Variants in PLCH1 observed in about 807,000 individuals in gnomAD.
PLCH1 encodes the protein phospholipase C eta 1.
Under a neutral mutation model 126.7 loss-of-function variants are expected in PLCH1, and 60 were observed. The ratio of observed to expected loss-of-function variants is 0.47; its 90% confidence interval spans 0.38 to 0.59. The LOEUF (loss-of-function observed/expected upper bound fraction) is 0.59. Ranked by LOEUF, PLCH1 falls within the 20% of genes least tolerant of loss-of-function variation. PLCH1 has a pLI of 0.00. For missense variants in PLCH1, 1,723 were observed against 2,040.0 expected (o/e 0.84, Z 2.99); for synonymous variants, 719 against 734.9 (o/e 0.98, Z 0.35).
chr3:155,723,205 T>C (rs1748078374), intron 1 of PLCH1, among the ~76,000 whole-genome samples: 1 of 152,066 alleles, frequency 6.6e-6, no homozygotes, highest in Admixed American at 6.6e-5. Flanking sequence ...ATTTAGATCA[T>C]CTCTCTCCAT....
intron 10 of PLCH1, among the ~76,000 whole-genome samples, chr3:155,538,386 A>ATAACAAAGATCAGAGCAGAAC (rs1439771883): frequency 6.6e-6 from 1 of 152,196 alleles, no homozygotes; most frequent in East Asian, 1.9e-4. Flanking sequence ...AAGAAAAGAA[A>ATAACAAAGATCAGAGCAGAAC]TAACAAAGAT....
chr3:155,499,484 T>C (rs1173359564), intron 14 of PLCH1, among the ~76,000 whole-genome samples: 2 of 152,230 alleles, frequency 1.3e-5, no homozygotes. Flanking sequence ...GGAGAAATTC[T>C]ACAGAAAATT....
rs180773783 is a variant in PLCH1, at chr3:155,659,278, C to A, written c.79+44868G>T. Among the ~76,000 whole-genome samples, 278 of 135,140 alleles carry A rather than the reference C, an allele frequency of 2.1e-3. 1 individual carries two copies. Among genetic ancestry groups the A allele is most frequent in the African/African-American group, 7.0e-3 (255 of 36,274 alleles). The allele number at this position is 135,140 out of a possible 152,430, so 88.7% of individuals were successfully genotyped here. On this transcript the variant is annotated intron_variant, in intron 2 of 22. Coordinates refer to ENST00000460012, the MANE Select transcript of PLCH1 (RefSeq NM_014996.4). ...TTCCTTCACTGCTCTGACCACAGGC[C>A]AGGCGTGAGATGTCTATTCACTTCT... is the stretch of plus-strand genomic sequence containing the variant.
intron 2 of PLCH1, among the ~76,000 whole-genome samples, chr3:155,673,981 CTA>C (rs1438435886): frequency 2.6e-5 from 4 of 152,202 alleles, no homozygotes; most frequent in Admixed American, 2.6e-4. Context: ...GGGTCCTTTT[CTA>C]TCTTTCAAAT....
intron 15 of PLCH1, 61 bp from the exon 16 acceptor site, chr3:155,494,578 C>T (rs2108096635): frequency 7.6e-7 from 1 of 1,308,612 alleles, no homozygotes; most frequent in Non-Finnish European, 1.1e-6. Flanking sequence ...ACACCACGCA[C>T]AGAAGACTTT....
chr3:155,570,160 C>T (rs1729009471), intron 6 of PLCH1, among the ~76,000 whole-genome samples: 1 of 152,138 alleles, frequency 6.6e-6, no homozygotes, highest in East Asian at 1.9e-4. Flanking sequence ...AGTCAATCGA[C>T]TCCCAACCTT....
chr3:155,564,909 A>G lies in PLCH1; in HGVS notation c.1069+6T>C, dbSNP rs767375972. 6.2e-7 allele frequency: 1 copy of G among 1,606,968 alleles called. No homozygotes were observed. Among genetic ancestry groups the G allele is most frequent in the Non-Finnish European group, 8.5e-7 (1 of 1,174,058 alleles). ...ACACACCGGAGCTCAGAAAAAGTGC[A>G]CGTACCTTCCACACAGCGACAGCCC... is the stretch of plus-strand genomic sequence containing the variant. On this transcript the variant is annotated splice_donor_region_variant and intron_variant, in intron 8 of 22. Transcript: ENST00000460012.
intron 7 of PLCH1, among the ~76,000 whole-genome samples, chr3:155,566,810 G>A (rs890197752): frequency 3.9e-5 from 6 of 152,072 alleles, no homozygotes; most frequent in African/African-American, 9.7e-5. Context: ...TGACTCACAA[G>A]TACCTAAATA....
intron 2 of PLCH1, among the ~76,000 whole-genome samples, chr3:155,674,183 G>A (rs966625761): frequency 6.6e-6 from 1 of 152,150 alleles, no homozygotes; most frequent in Non-Finnish European, 1.5e-5. Context: ...CGTCTTCTCA[G>A]TGTTGTTCAG....
intron 2 of PLCH1, chr3:155,676,296 A>G: frequency 8.7e-7 from 1 of 1,153,258 alleles, no homozygotes; most frequent in Non-Finnish European, 1.1e-6. Flanking sequence ...GCACAGCCAG[A>G]TAAGCACGCT....
At chr3:155,670,888 A>G (rs1462329396) in intron 2 of PLCH1, among the ~76,000 whole-genome samples, 1 of 151,972 alleles carries the variant, frequency 6.6e-6, no homozygotes, top group Non-Finnish European at 1.5e-5. Flanking sequence ...TCCCCTTTCC[A>G]TCTCGCACTC....
At position 155,723,440 on chromosome 3, in the gene PLCH1, T is replaced by G. The variant is rs540262750; in HGVS notation, c.-40-19176A>C. Among the ~76,000 whole-genome samples, 4 of 152,320 alleles carry G rather than the reference T, an allele frequency of 2.6e-5. No homozygotes were observed. In the South Asian group the frequency reaches 8.3e-4, roughly 32 times the overall value. On this transcript the variant is annotated intron_variant, in intron 1 of 22. Transcript: ENST00000460012. ...CTGTTTCCATTTCATTTCCTTCTGCTCTGATCTTCATTATTCCTTTTCTTC... is the reference window on the plus strand; with the variant it reads ...CTGTTTCCATTTCATTTCCTTCTGCGCTGATCTTCATTATTCCTTTTCTTC...
intron 6 of PLCH1, among the ~76,000 whole-genome samples, chr3:155,569,440 G>T (rs892387549): frequency 1.3e-5 from 2 of 152,094 alleles, no homozygotes; most frequent in African/African-American, 4.8e-5. Context: ...CAGTTCAAAA[G>T]AACACACAAT....
chr3:155,493,861 G>A lies in PLCH1; in HGVS notation c.2182+280C>T, dbSNP rs148270493. 1.1e-4 allele frequency among the ~76,000 whole-genome samples: 17 copies of A among 152,240 alleles called. No individual in the cohort carries two copies. In the East Asian group the frequency reaches 3.3e-3, roughly 29 times the overall value. On this transcript the variant is annotated intron_variant, in intron 17 of 22. Coordinates refer to ENST00000460012, the MANE Select transcript of PLCH1 (RefSeq NM_014996.4). ...TAAAAAGCAGTCCAGCTTATATGGG[G>A]CACTGGATTTCAAGTGATAACCCAA...
rs147173640 is a variant in PLCH1, at chr3:155,557,390, C to A, written c.1070-3194G>T. On this transcript the variant is annotated intron_variant, in intron 8 of 22. Transcript: ENST00000460012. ...AAAGGCGACAAAGCAATACCTTGCCCGACTTGCTTATGGTGTCTACATCAA... is the reference window on the plus strand; with the variant it reads ...AAAGGCGACAAAGCAATACCTTGCCAGACTTGCTTATGGTGTCTACATCAA... Among the ~76,000 whole-genome samples, 68 of 152,234 alleles carry A rather than the reference C, an allele frequency of 4.5e-4. 1 individual carries two copies. In the East Asian group the frequency reaches 0.012, roughly 28 times the overall value.
At chr3:155,662,181 C>T (rs1479445886) in intron 2 of PLCH1, among the ~76,000 whole-genome samples, 9 of 152,268 alleles carry the variant, frequency 5.9e-5, no homozygotes, top group African/African-American at 9.6e-5. Flanking sequence ...GAGCTAGGCA[C>T]GGTGGCTCTT....
intron 2 of PLCH1, among the ~76,000 whole-genome samples, chr3:155,697,216 C>T (rs370157): frequency 0.4 from 60,605 of 151,950 alleles, 12,846 homozygotes; most frequent in African/African-American, 0.53. Flanking sequence ...CTACATAATG[C>T]TGCAAAAAGC....
intron 21 of PLCH1, among the ~76,000 whole-genome samples, chr3:155,469,193 C>G (rs1413044330): frequency 6.6e-6 from 1 of 152,168 alleles, no homozygotes. Context: ...GAGTTACAGA[C>G]AGTGGGCACA....
At chr3:155,683,937 G>T (rs577051346) in intron 2 of PLCH1, among the ~76,000 whole-genome samples, 68 of 152,274 alleles carry the variant, frequency 4.5e-4, no homozygotes, top group African/African-American at 1.5e-3. Flanking sequence ...AATCCTAAGT[G>T]CTTGTATTCT....
Sources: gnomAD v4.1 joint callset for allele counts (sites outside exome capture counted in the v4.1 genomes callset) on GRCh38, gnomAD v4.1.1 for gene constraint, MANE v1.5 for transcripts, NCBI Gene and HGNC (gene_info 2026-07-23, HGNC 2026-07-21) for gene names.